HOXB6: variants seen among roughly 807,000 people sequenced by gnomAD.
HOXB6 encodes homeobox B6, also known as homeobox protein Hox-B6.
HOXB6 carries 18 observed loss-of-function variants against 24.2 expected under a neutral mutation model. The observed-to-expected ratio is 0.74, with a 90% CI of 0.51 to 1.10. The LOEUF (loss-of-function observed/expected upper bound fraction) is 1.10. HOXB6 is among the 50% of genes least tolerant of loss of function. The pLI, the probability that HOXB6 is intolerant of heterozygous loss-of-function variation, is 0.00. For synonymous variants in HOXB6, 159 were observed against 139.1 expected (o/e 1.14, Z -1.01); for missense variants, 332 against 308.3 (o/e 1.08, Z -0.58).
intron 3 of HOXB6, 76 bp downstream of exon 3, chr17:48,597,660 G>C: frequency 2.0e-6 from 3 of 1,477,130 alleles, no homozygotes; most frequent in Non-Finnish European, 2.8e-6. Context: ...TTGGGGCAGG[G>C]GGCGCTCACT....
At chr17:48,600,757 A>T (rs553882156) in intron 2 of HOXB6, among the ~76,000 whole-genome samples, 58 of 152,256 alleles carry the variant, frequency 3.8e-4, no homozygotes, top group Non-Finnish European at 6.6e-4. Flanking sequence ...CCCTGCCTCA[A>T]TGAGGAAGTG....
At position 48,596,200 on chromosome 17, in the gene HOXB6, G is replaced by A; in HGVS notation, c.*213C>T. The A allele has an allele frequency of 1.4e-6, 1 of 736,796 alleles. No individual in the cohort carries two copies. Among genetic ancestry groups the A allele is most frequent in the Non-Finnish European group, 2.4e-6 (1 of 415,102 alleles). 45.6% of individuals were successfully genotyped at this position (736,796 alleles called of 1,614,324 possible). A position where few individuals can be genotyped will look rare whatever the true frequency, so the allele number is the denominator to read the frequency against. On this transcript the variant is annotated 3_prime_UTR_variant, in exon 4 of 4. Coordinates refer to ENST00000225648, the MANE Select transcript of HOXB6 (RefSeq NM_018952.5). The surrounding 1 kb of genome is among the most constrained non-coding windows in gnomAD (Gnocchi z 4.8). ...TTCCTCGGGAAGGAAGGGCGCGCGGGATGCTGGGTGGGCTCGAGTAGTGAG... is the reference window on the plus strand; with the variant it reads ...TTCCTCGGGAAGGAAGGGCGCGCGGAATGCTGGGTGGGCTCGAGTAGTGAG...
chr17:48,596,245 G>A lies in HOXB6; in HGVS notation c.*168C>T, dbSNP rs2070284537. On this transcript the variant is annotated 3_prime_UTR_variant, in exon 4 of 4. Coordinates refer to ENST00000225648, the MANE Select transcript of HOXB6 (RefSeq NM_018952.5). The surrounding 1 kb of genome is among the most constrained non-coding windows in gnomAD (Gnocchi z 4.8). ...AGTGAGGCCTCAGAGCACCCGCCGG[G>A]AGCTGTGCGGGCGGGGGCGTCCAGG... The A allele has an allele frequency of 9.7e-7, 1 of 1,035,484 alleles. No homozygotes were observed. The highest frequency in any genetic ancestry group is 1.8e-5 in the Admixed American group (1 of 57,114). 64.1% of individuals were successfully genotyped at this position (1,035,484 alleles called of 1,614,324 possible). A position where few individuals can be genotyped will look rare whatever the true frequency, so the allele number is the denominator to read the frequency against.
chr17:48,598,155 A>AG lies in HOXB6; in HGVS notation c.-6dup. 1 of 1,571,026 alleles carries AG rather than the reference A, an allele frequency of 6.4e-7. No homozygotes were observed. Among genetic ancestry groups the AG allele is most frequent in the Non-Finnish European group, 8.7e-7 (1 of 1,154,940 alleles). ...GTTCACGAAATAGGAACTCATTGGG[A>AG]GGGGAGGCGCGCGCGGCCGCTGCTG... is the stretch of plus-strand genomic sequence containing the variant. On this transcript the variant is annotated 5_prime_UTR_variant, in exon 3 of 4. Coordinates refer to ENST00000225648, the MANE Select transcript of HOXB6 (RefSeq NM_018952.5).
At position 48,596,361 on chromosome 17, in the gene HOXB6, T is replaced by G. The variant is rs12949148; in HGVS notation, c.*52A>C. The G allele has an allele frequency of 0.56, 895,675 of 1,612,862 alleles. 255,551 individuals carry two copies. The highest frequency in any genetic ancestry group is 0.58 in the Non-Finnish European group (685,082 of 1,179,262). On this transcript the variant is annotated 3_prime_UTR_variant, in exon 4 of 4. Coordinates refer to ENST00000225648, the MANE Select transcript of HOXB6 (RefSeq NM_018952.5). This position sits in a 1 kb window ranked among gnomAD's most constrained non-coding sequence, Gnocchi z 4.8. ...TCCTTCCCGGGTCTCTCTGACGCCC[T>G]CGGCTCCCCACAGGCCTTTCCCCTC...
intron 2 of HOXB6, among the ~76,000 whole-genome samples, chr17:48,603,463 C>T (rs1267994712): frequency 6.6e-6 from 1 of 152,206 alleles, no homozygotes; most frequent in African/African-American, 2.4e-5. Context: ...GCCGCTAGGT[C>T]CCATAATTGG....
chr17:48,602,195 G>A (rs2070483871), intron 2 of HOXB6: 1 of 456,152 alleles, frequency 2.2e-6, no homozygotes, highest in Non-Finnish European at 4.4e-6. Flanking sequence ...CCAAGGAGCT[G>A]GCAAAACCCA....
intron 3 of HOXB6, chr17:48,597,203 C>A (rs1201359630): frequency 6.6e-6 from 3 of 454,468 alleles, no homozygotes; most frequent in African/African-American, 4.2e-5. Flanking sequence ...TCTTCCTTCC[C>A]CTTATTCCTC....
rs1486864210 is a variant in HOXB6, at chr17:48,596,941, T to A, written c.416-269A>T. The A allele has an allele frequency of 2.9e-6, 4 of 1,361,796 alleles. No homozygotes were observed. Among genetic ancestry groups the A allele is most frequent in the Non-Finnish European group, 3.8e-6 (4 of 1,050,996 alleles). 84.4% of individuals were successfully genotyped at this position (1,361,796 alleles called of 1,614,324 possible). A position where few individuals can be genotyped will look rare whatever the true frequency, so the allele number is the denominator to read the frequency against. On this transcript the variant is annotated intron_variant, in intron 3 of 3. Transcript: ENST00000225648. This position sits in a 1 kb window ranked among gnomAD's most constrained non-coding sequence, Gnocchi z 4.8. Reference sequence around the variant, plus strand: ...TGGGGGGAGGGGCTGGTCAGGTGTGTCTCTTCCTAGTTGCATCTTGTCTTT... The same window carrying A: ...TGGGGGGAGGGGCTGGTCAGGTGTGACTCTTCCTAGTTGCATCTTGTCTTT...
intron 2 of HOXB6, chr17:48,601,309 C>T (rs1008925061): frequency 6.7e-6 from 1 of 148,536 alleles, no homozygotes; most frequent in Non-Finnish European, 1.5e-5. Context: ...CTAAAATCGG[C>T]CCCTCCAAAT....
At position 48,595,772 on chromosome 17, in the gene HOXB6, A is replaced by G. The variant is rs377229001; in HGVS notation, c.*641T>C. 3.2e-4 allele frequency: 62 copies of G among 192,986 alleles called. No individual in the cohort carries two copies. The East Asian group carries it at 3.2e-3, about 10-fold the overall frequency. 12.0% of individuals were successfully genotyped at this position (192,986 alleles called of 1,614,324 possible). Reference sequence around the variant, plus strand: ...AGCGTCGAGTTTTCACATCTTTATTATTGTTGTTGTTGTTGTTATTATTAT... The same window carrying G: ...AGCGTCGAGTTTTCACATCTTTATTGTTGTTGTTGTTGTTGTTATTATTAT... On this transcript the variant is annotated 3_prime_UTR_variant, in exon 4 of 4. Transcript: ENST00000225648.
intron 2 of HOXB6, among the ~76,000 whole-genome samples, chr17:48,602,899 G>T (rs1597882079): frequency 6.6e-6 from 1 of 152,336 alleles, no homozygotes; most frequent in East Asian, 1.9e-4. Context: ...CCCGAGTGCC[G>T]TGGGTGCTGG....
Position 48,596,859 on chromosome 17 carries a change from G to C in HOXB6, c.416-187C>G, listed in dbSNP as rs962135138. On this transcript the variant is annotated intron_variant, in intron 3 of 3. Coordinates refer to ENST00000225648, the MANE Select transcript of HOXB6 (RefSeq NM_018952.5). The surrounding 1 kb of genome is among the most constrained non-coding windows in gnomAD (Gnocchi z 4.8). The stretch of plus-strand genomic sequence containing the variant: ...CCTCCTAGTCTCCTAGGCCTGTGCC[G>C]TCTGTCTAGACTCTAGATGGGGGAG... 6.3e-6 allele frequency: 8 copies of C among 1,262,408 alleles called. No homozygotes were observed. The highest frequency in any genetic ancestry group is 1.1e-6 in the Non-Finnish European group (1 of 924,086). 78.2% of individuals were successfully genotyped at this position (1,262,408 alleles called of 1,614,324 possible). A position where few individuals can be genotyped will look rare whatever the true frequency, so the allele number is the denominator to read the frequency against.
intron 1 of HOXB6, 50 bp downstream of exon 1, chr17:48,604,812 C>T (rs1262509136): frequency 6.6e-6 from 1 of 150,746 alleles, no homozygotes; most frequent in Non-Finnish European, 1.5e-5. Context: ...GTAATTCCCA[C>T]CCCTCCTTCT....
At chr17:48,601,242 G>A (rs1481791894) in intron 2 of HOXB6, among the ~76,000 whole-genome samples, 1 of 152,108 alleles carries the variant, frequency 6.6e-6, no homozygotes, top group Non-Finnish European at 1.5e-5. Context: ...GTTCCCAGGG[G>A]TACTGAGTGA....
Position 48,597,793 on chromosome 17 carries a change from C to T in HOXB6, c.358G>A (p.Glu120Lys), listed in dbSNP as rs1245384677. Residue 120 changes from glutamate to lysine, a missense_variant, in exon 3 of 4, where the codon GAG becomes AAG. Coordinates refer to ENST00000225648, the MANE Select transcript of HOXB6 (RefSeq NM_018952.5). ...TAGACCGGAGTGGAGCACTTCTGCTCTTCTGTCTCGCCGAACACGCTCTTG... is the reference window on the plus strand; with the variant it reads ...TAGACCGGAGTGGAGCACTTCTGCTTTTCTGTCTCGCCGAACACGCTCTTG... ...QDKSVFGETE[E>K]QKCSTPVYPW... The T allele has an allele frequency of 6.2e-7, 1 of 1,611,722 alleles. No homozygotes were observed. The highest frequency in any genetic ancestry group is 1.1e-5 in the South Asian group (1 of 90,518).
intron 2 of HOXB6, chr17:48,602,105 A>T (rs911587607): frequency 4.4e-6 from 2 of 455,960 alleles, no homozygotes; most frequent in Non-Finnish European, 8.8e-6. Flanking sequence ...TCGAGAATGG[A>T]GGAGGGGATC....
At chr17:48,598,381 C>G in intron 2 of HOXB6, 153 bp from the exon 3 acceptor site, 1 of 485,804 alleles carries the variant, frequency 2.1e-6, no homozygotes, top group Middle Eastern at 5.3e-4. Context: ...GCAGCCCGCA[C>G]GAGGGACCCG....
intron 2 of HOXB6, chr17:48,603,895 C>A (rs1362261781): frequency 6.5e-6 from 1 of 152,816 alleles, no homozygotes; most frequent in African/African-American, 2.4e-5. Context: ...GTAAACATTT[C>A]TCTGTAAATT....
Sources: allele counts gnomAD v4.1 joint callset (sites outside exome capture counted in the v4.1 genomes callset), GRCh38; gene constraint gnomAD v4.1.1; non-coding constraint Gnocchi (gnomAD v3.1); transcripts MANE v1.5; gene names NCBI Gene and HGNC (gene_info 2026-07-23, HGNC 2026-07-21).